PCDHA9: variants seen among roughly 807,000 people sequenced by gnomAD.
PCDHA9 encodes the protein protocadherin alpha-9.
In PCDHA9, 62 loss-of-function variants were observed where a neutral mutation model predicts 62.0. The ratio of observed to expected loss-of-function variants is 1.00; its 90% CI spans 0.81 to 1.23. The LOEUF (loss-of-function observed/expected upper bound fraction) is 1.23. PCDHA9 is among the 50% of genes most tolerant of loss of function. The probability of loss-of-function intolerance (pLI) is 0.00; values close to 1 mark genes in which losing one functional copy is unlikely to be tolerated. For missense variants in PCDHA9, 1,205 were observed against 1,249.8 expected, an observed-to-expected ratio of 0.96 and a Z score of 0.54; for synonymous variants, 557 against 567.6, an observed-to-expected ratio of 0.98 and a Z score of 0.27.
At chr5:140,869,531 C>A (rs782191099) in intron 1 of PCDHA9, 11 of 1,614,032 alleles carry the variant, frequency 6.8e-6, no homozygotes, top group African/African-American at 2.7e-5. Flanking sequence ...CTGCTGATTG[C>A]GGAATCTAAG....
At chr5:140,868,018 A>C (rs987390119) in intron 1 of PCDHA9, 14 of 152,136 alleles carry the variant, frequency 9.2e-5, no homozygotes, top group African/African-American at 3.1e-4. Context: ...GATTAAGGAA[A>C]CCAATGTTGG....
intron 1 of PCDHA9, among the ~76,000 whole-genome samples, chr5:140,881,902 A>T (rs2058862295): frequency 6.6e-6 from 1 of 152,262 alleles, no homozygotes; most frequent in African/African-American, 2.4e-5. Flanking sequence ...GTCAGCTAAT[A>T]TAAAATGTTG....
Position 140,848,739 on chromosome 5 carries a change from G to A in PCDHA9, c.244G>A (p.Gly82Ser). Residue 82 changes from glycine (G) to serine (S), a missense_variant, in exon 1 of 4, where the codon GGC (glycine) becomes AGC (serine). Gly to Ser is a moderately conservative substitution (Grantham distance 56). This residue lies in a region of PCDHA9 where 208 missense variants were observed against 213.2 expected (regional missense o/e 0.98). Coordinates refer to ENST00000532602, the MANE Select transcript of PCDHA9 (RefSeq NM_031857.2). ...GDLLEVNLQN[G>S]ILFVNSRIDR... is the part of the protein sequence containing the mutation. The stretch of plus-strand genomic sequence containing the variant: ...CCTTCTGGAGGTAAATCTGCAGAAT[G>A]GCATTTTGTTTGTGAATTCTCGGAT... The A allele has an allele frequency of 6.9e-6, 11 of 1,593,092 alleles. 1 individual carries two copies. The highest frequency in any genetic ancestry group is 9.5e-6 in the Non-Finnish European group (11 of 1,163,752).
At chr5:140,861,401 G>T in intron 1 of PCDHA9, 1 of 465,630 alleles carries the variant, frequency 2.1e-6, no homozygotes, top group Non-Finnish European at 4.4e-6. Flanking sequence ...TGGAGCTTGT[G>T]GAGCTGATAC....
chr5:140,870,629 T>C, intron 1 of PCDHA9: 2 of 1,612,984 alleles, frequency 1.2e-6, no homozygotes, highest in East Asian at 4.5e-5. Flanking sequence ...TACGTGTCGG[T>C]GCACGCGGAG....
chr5:140,954,441 G>A (rs1411694581), intron 1 of PCDHA9, among the ~76,000 whole-genome samples: 2 of 151,498 alleles, frequency 1.3e-5, no homozygotes, highest in Non-Finnish European at 3.0e-5. Flanking sequence ...TGTTGTTTCT[G>A]GACTTGTTAA....
intron 1 of PCDHA9, among the ~76,000 whole-genome samples, chr5:140,955,418 G>A: frequency 6.6e-6 from 1 of 152,140 alleles, no homozygotes; most frequent in Non-Finnish European, 1.5e-5. Flanking sequence ...ATGATAGTGA[G>A]TGAGTTCTCA....
At chr5:140,972,622 T>C (rs1554234253) in intron 1 of PCDHA9, among the ~76,000 whole-genome samples, 1 of 151,940 alleles carries the variant, frequency 6.6e-6, no homozygotes, top group African/African-American at 2.4e-5. Flanking sequence ...CTGAATGTTG[T>C]TGGCACTCCC....
intron 1 of PCDHA9, chr5:140,884,065 C>G (rs377441374): frequency 1.1e-5 from 17 of 1,613,346 alleles, no homozygotes; most frequent in Admixed American, 6.7e-5. Flanking sequence ...CGGTGGACGC[C>G]GATTCGGGCT....
chr5:140,879,895 G>A (rs1176160335), intron 1 of PCDHA9, among the ~76,000 whole-genome samples: 2 of 152,112 alleles, frequency 1.3e-5, no homozygotes, highest in African/African-American at 4.8e-5. Context: ...TCCTCTCCAT[G>A]TCTCTCTCTA....
Position 140,856,487 on chromosome 5 carries a change from C to G in PCDHA9, c.2394+5598C>G, listed in dbSNP as rs1171656977. Reference sequence around the variant, plus strand: ...GCTCTCAATACCTGAATCCAGACTGCTTGACTCTCGATTTCCACTAGAAGG... The same window carrying G: ...GCTCTCAATACCTGAATCCAGACTGGTTGACTCTCGATTTCCACTAGAAGG... On this transcript the variant is annotated intron_variant, in intron 1 of 3. Coordinates refer to ENST00000532602, the MANE Select transcript of PCDHA9 (RefSeq NM_031857.2). 4 of 1,598,200 alleles carry G rather than the reference C, an allele frequency of 2.5e-6. No homozygotes were observed. The African/African-American group carries it at 5.4e-5, about 22-fold the overall frequency.
chr5:140,923,451 C>T (rs1256990906), intron 1 of PCDHA9, among the ~76,000 whole-genome samples: 2 of 151,914 alleles, frequency 1.3e-5, no homozygotes, highest in African/African-American at 4.8e-5. Context: ...TCACCTGAGC[C>T]CAGAGAGGTA....
At chr5:140,914,802 T>C (rs2076849351) in intron 1 of PCDHA9, among the ~76,000 whole-genome samples, 1 of 152,202 alleles carries the variant, frequency 6.6e-6, no homozygotes, top group African/African-American at 2.4e-5. Flanking sequence ...TTTAAACTGA[T>C]GGCAACTTAA....
At chr5:140,856,985 A>G (rs1463839145) in intron 1 of PCDHA9, 1 of 1,595,232 alleles carries the variant, frequency 6.3e-7, no homozygotes, top group Non-Finnish European at 8.6e-7. Flanking sequence ...TGAGGACAGT[A>G]ACACTTATGA....
At chr5:140,899,255 C>A (rs532751288) in intron 1 of PCDHA9, among the ~76,000 whole-genome samples, 1 of 152,258 alleles carries the variant, frequency 6.6e-6, no homozygotes, top group East Asian at 1.9e-4. Flanking sequence ...GAGAGGGCAT[C>A]CCTGTCTTGT....
intron 3 of PCDHA9, among the ~76,000 whole-genome samples, chr5:140,998,105 A>G (rs1554256162): frequency 6.6e-6 from 1 of 152,204 alleles, no homozygotes; most frequent in African/African-American, 2.4e-5. Context: ...CAAACAGAGG[A>G]GAAAATTTAC....
intron 1 of PCDHA9, among the ~76,000 whole-genome samples, chr5:140,963,621 T>C (rs1428734637): frequency 2.6e-5 from 4 of 152,334 alleles, no homozygotes; most frequent in African/African-American, 9.6e-5. Flanking sequence ...AGCTTAACTT[T>C]GTTGCATACG....
At chr5:140,853,682 A>C in intron 1 of PCDHA9, 5 of 988,426 alleles carry the variant, frequency 5.1e-6, no homozygotes, top group Non-Finnish European at 6.1e-6. Context: ...TGGTCAACCT[A>C]TCCTTAGACC....
At chr5:140,944,291 G>A (rs155813) in intron 1 of PCDHA9, among the ~76,000 whole-genome samples, 48,239 of 151,966 alleles carry the variant, frequency 0.32, 8,008 homozygotes, top group East Asian at 0.53. Flanking sequence ...GGGCTCAAGC[G>A]ATCCTCCTAC....
Sources: gnomAD v4.1 joint callset for allele counts (sites outside exome capture counted in the v4.1 genomes callset) on GRCh38, gnomAD v4.1.1 for gene constraint, gnomAD v4.1.1 regional missense constraint, MANE v1.5 for transcripts, NCBI Gene and HGNC (gene_info 2026-07-23, HGNC 2026-07-21) for gene names.